Variants in GPATCH2 observed in about 807,000 individuals in gnomAD.
The protein encoded by GPATCH2 is G patch domain-containing protein 2.
In GPATCH2, 51 loss-of-function variants were observed where a neutral mutation model predicts 58.0. The ratio of observed to expected loss-of-function variants is 0.88; its 90% CI spans 0.70 to 1.11. The LOEUF is 1.11. Ranked by LOEUF, GPATCH2 falls within the 50% of genes most tolerant of loss-of-function variation. The pLI, the probability that GPATCH2 is intolerant of heterozygous loss-of-function variation, is 0.00. For synonymous variants in GPATCH2, 222 were observed against 218.5 expected (o/e 1.02, Z -0.14); for missense variants, 625 against 652.2 (o/e 0.96, Z 0.45).
chr1:217,448,313 T>C (rs1659488396), intron 9 of GPATCH2, among the ~76,000 whole-genome samples: 1 of 152,076 alleles, frequency 6.6e-6, no homozygotes, highest in Admixed American at 6.6e-5. Context: ...TAAGAGAAAA[T>C]TTCTAAATGT....
chr1:217,538,358 A>G (rs1269401437), intron 5 of GPATCH2, among the ~76,000 whole-genome samples: 1 of 152,210 alleles, frequency 6.6e-6, no homozygotes, highest in African/African-American at 2.4e-5. Context: ...TGTCACTAAA[A>G]TGATGTTATG....
At chr1:217,539,712 T>C (rs1664641841) in intron 5 of GPATCH2, among the ~76,000 whole-genome samples, 1 of 152,148 alleles carries the variant, frequency 6.6e-6, no homozygotes. Flanking sequence ...ACAAGGCAAT[T>C]TGCAGCTCTG....
chr1:217,593,190 C>A (rs988086316), intron 5 of GPATCH2, among the ~76,000 whole-genome samples: 2 of 151,806 alleles, frequency 1.3e-5, no homozygotes, highest in Non-Finnish European at 2.9e-5. Flanking sequence ...TTCTAATTTA[C>A]AATGAATCAA....
intron 2 of GPATCH2, among the ~76,000 whole-genome samples, chr1:217,619,221 T>G (rs1054022920): frequency 4.6e-5 from 7 of 150,566 alleles, no homozygotes; most frequent in African/African-American, 1.7e-4. Context: ...TTAGATTTAC[T>G]ACCACAGGAC....
chr1:217,548,344 C>T (rs565513002), intron 5 of GPATCH2, among the ~76,000 whole-genome samples: 21 of 152,026 alleles, frequency 1.4e-4, no homozygotes, highest in African/African-American at 4.1e-4. Flanking sequence ...ATAATCTATA[C>T]GACAATATTC....
chr1:217,498,766 T>C (rs1662140483), intron 6 of GPATCH2: 1 of 307,858 alleles, frequency 3.2e-6, no homozygotes, highest in Non-Finnish European at 6.1e-6. Context: ...GACCCTTTGA[T>C]TGTTGGAGTT....
At chr1:217,446,180 C>A (rs1487145566) in intron 9 of GPATCH2, among the ~76,000 whole-genome samples, 2 of 152,070 alleles carry the variant, frequency 1.3e-5, no homozygotes, top group Non-Finnish European at 2.9e-5. Flanking sequence ...TTATCATCTG[C>A]ATTTTTCTTG....
At chr1:217,453,852 C>G (rs1052948851) in intron 8 of GPATCH2, among the ~76,000 whole-genome samples, 3 of 152,106 alleles carry the variant, frequency 2.0e-5, no homozygotes, top group Non-Finnish European at 2.9e-5. Flanking sequence ...AGAGGCTGTT[C>G]AGAGAATTAG....
chr1:217,608,183 C>CT (rs1668450430), intron 5 of GPATCH2: 1 of 733,452 alleles, frequency 1.4e-6, no homozygotes, highest in Admixed American at 6.3e-5. Context: ...AATTGGAACT[C>CT]TTACCTTTCT....
intron 1 of GPATCH2, among the ~76,000 whole-genome samples, chr1:217,626,427 T>C (rs984948464): frequency 6.6e-6 from 1 of 152,142 alleles, no homozygotes; most frequent in Non-Finnish European, 1.5e-5. Context: ...TGGTTGGTCC[T>C]AAAAGTATGC....
chr1:217,572,242 G>A lies in GPATCH2; in HGVS notation c.1098+38079C>T, dbSNP rs111557629. On this transcript the variant is annotated intron_variant, in intron 5 of 9. Coordinates refer to ENST00000366935, the MANE Select transcript of GPATCH2 (RefSeq NM_018040.5). ...GAATTAGAACTTAAATTTAGGTCTT[G>A]TGAAAAGGGGGAATCTAACTTATTC... 4.1e-3 allele frequency among the ~76,000 whole-genome samples: 621 copies of A among 152,268 alleles called. 4 individuals are homozygous for A. Among genetic ancestry groups the A allele is most frequent in the African/African-American group, 0.014 (595 of 41,540 alleles).
intron 5 of GPATCH2, among the ~76,000 whole-genome samples, chr1:217,589,587 A>T (rs1667497417): frequency 6.6e-6 from 1 of 152,200 alleles, no homozygotes; most frequent in African/African-American, 2.4e-5. Flanking sequence ...AAAAGATCCA[A>T]GAGTTAACTG....
At chr1:217,616,654 T>G (rs538948275) in intron 2 of GPATCH2, among the ~76,000 whole-genome samples, 11 of 152,318 alleles carry the variant, frequency 7.2e-5, no homozygotes, top group African/African-American at 2.4e-4. Flanking sequence ...AACAAGAACT[T>G]AAATAGAAAC....
rs368511917 is a variant in GPATCH2, at chr1:217,619,957, T to C, written c.599A>G (p.Gln200Arg). 18 of 1,613,960 alleles carry C rather than the reference T, an allele frequency of 1.1e-5. No homozygotes were observed. The African/African-American group carries it at 1.6e-4, about 14-fold the overall frequency. The change falls in exon 2 of 10, where the codon CAG (glutamine) becomes CGG (arginine). Residue 200 changes from glutamine (Q) to arginine (R), a missense_variant. By Grantham distance (43) the Gln-to-Arg change is conservative. Coordinates refer to ENST00000366935, the MANE Select transcript of GPATCH2 (RefSeq NM_018040.5). ...TTTGTTCTTGGTAAATTCTTGATAC[T>C]GGTAGGCTCTATCACTGTCCATGTC... ...DQDMDSDRAY[Q>R]YQEFTKNKVK...
At chr1:217,498,248 C>A (rs541230603) in intron 7 of GPATCH2, 108 bp downstream of exon 7, 1 of 854,396 alleles carries the variant, frequency 1.2e-6, no homozygotes, top group South Asian at 1.3e-5. Context: ...TTAAAATGAG[C>A]GGGGATTTGT....
At position 217,494,752 on chromosome 1, in the gene GPATCH2, AAG is replaced by A. The variant is rs1201790159; in HGVS notation, c.1207-3004_1207-3003del. Among the ~76,000 whole-genome samples, 7 of 152,242 alleles carry A rather than the reference AAG, an allele frequency of 4.6e-5. No homozygotes were observed. In the South Asian group the frequency reaches 1.5e-3, roughly 32 times the overall value. On this transcript the variant is annotated intron_variant, in intron 7 of 9. Transcript: ENST00000366935. The stretch of plus-strand genomic sequence containing the variant: ...AAGTGAGACTCTGTCTCAAAAAAAA[AAG>A]AAGACTCCCAACATATTTTTTTTTA...
At chr1:217,466,234 C>T (rs2102494848) in intron 8 of GPATCH2, among the ~76,000 whole-genome samples, 1 of 150,612 alleles carries the variant, frequency 6.6e-6, no homozygotes, top group Admixed American at 6.6e-5. Flanking sequence ...AATATATTTA[C>T]GTATAGAACT....
intron 5 of GPATCH2, among the ~76,000 whole-genome samples, chr1:217,596,716 C>T (rs7545182): frequency 0.78 from 118,535 of 152,030 alleles, 46,355 homozygotes; most frequent in East Asian, 0.92. Context: ...AATCTCTCCG[C>T]CATTTTTTCG....
At chr1:217,526,186 T>C (rs150065261) in intron 5 of GPATCH2, among the ~76,000 whole-genome samples, 94 of 152,334 alleles carry the variant, frequency 6.2e-4, no homozygotes, top group African/African-American at 2.3e-3. Context: ...GGACCAATAG[T>C]AATTTATAAG....
Sources: allele counts gnomAD v4.1 joint callset (sites outside exome capture counted in the v4.1 genomes callset), GRCh38; gene constraint gnomAD v4.1.1; transcripts MANE v1.5; gene names NCBI Gene and HGNC (gene_info 2026-07-23, HGNC 2026-07-21).